LIPC: variants seen among roughly 807,000 people sequenced by gnomAD.
The protein encoded by LIPC is hepatic triacylglycerol lipase.
Under a neutral mutation model 50.7 loss-of-function variants are expected in LIPC, and 44 were observed. The ratio of observed to expected loss-of-function variants is 0.87; its 90% CI spans 0.68 to 1.11. LIPC has a LOEUF of 1.11. Among genes scored for constraint, LIPC ranks in the 50% most tolerant of loss-of-function variants. The probability of loss-of-function intolerance (pLI) is 0.00; values close to 1 mark genes in which losing one functional copy is unlikely to be tolerated. For synonymous variants in LIPC, 271 were observed against 256.4 expected (o/e 1.06, Z -0.54); for missense variants, 697 against 648.2 (o/e 1.08, Z -0.82).
chr15:58,503,357 G>C (rs1892048744), intron 1 of LIPC, among the ~76,000 whole-genome samples: 1 of 152,144 alleles, frequency 6.6e-6, no homozygotes, highest in Non-Finnish European at 1.5e-5. Context: ...GAGTGGAGGG[G>C]GCAGAGTCCA....
At position 58,546,033 on chromosome 15, in the gene LIPC, A is replaced by C. The variant is rs569704268; in HGVS notation, c.808+58A>C. On this transcript the variant is annotated intron_variant, in intron 5 of 8. Transcript: ENST00000299022. ...CCTACATTTCAATGGGGCCTCTGGA[A>C]TTCAGCGGAATCTACCAACATACGG... The C allele has an allele frequency of 5.8e-5, 80 of 1,374,730 alleles. No individual in the cohort carries two copies. The African/African-American group carries it at 8.7e-4, about 15-fold the overall frequency. The allele number at this position is 1,374,730 out of a possible 1,614,324, so 85.2% of individuals were successfully genotyped here.
At chr15:58,470,746 C>A (rs1894763859) in intron 1 of LIPC, among the ~76,000 whole-genome samples, 1 of 152,062 alleles carries the variant, frequency 6.6e-6, no homozygotes, top group Non-Finnish European at 1.5e-5. Flanking sequence ...ACTACAGGTG[C>A]CAGCCACCAC....
At chr15:58,513,818 C>G (rs954317965) in intron 1 of LIPC, among the ~76,000 whole-genome samples, 19 of 152,182 alleles carry the variant, frequency 1.2e-4, no homozygotes, top group Admixed American at 6.5e-5. Flanking sequence ...CTGAGAACCC[C>G]AGGACTCCTC....
At chr15:58,527,995 C>G (rs1892843133) in intron 1 of LIPC, among the ~76,000 whole-genome samples, 1 of 152,092 alleles carries the variant, frequency 6.6e-6, no homozygotes, top group African/African-American at 2.4e-5. Flanking sequence ...AGCCCACACT[C>G]CCCACCCACG....
At chr15:58,517,830 G>A (rs547117620) in intron 1 of LIPC, among the ~76,000 whole-genome samples, 150 of 152,332 alleles carry the variant, frequency 9.8e-4, no homozygotes, top group African/African-American at 2.5e-3. Context: ...GACAACAAGC[G>A]TGTAAGTAAG....
At chr15:58,535,038 G>A (rs1893069207) in intron 1 of LIPC, among the ~76,000 whole-genome samples, 1 of 152,036 alleles carries the variant, frequency 6.6e-6, no homozygotes, top group Non-Finnish European at 1.5e-5. Flanking sequence ...ATTTTTATAG[G>A]CACCAGAGCC....
chr15:58,455,447 G>A (rs925607468), intron 1 of LIPC, among the ~76,000 whole-genome samples: 18 of 152,194 alleles, frequency 1.2e-4, no homozygotes, highest in African/African-American at 3.6e-4. Context: ...GAAAAAAAAT[G>A]TTAGTAATGA....
chr15:58,569,570 T>A lies in LIPC; in HGVS notation c.*743T>A, dbSNP rs1427737012. On this transcript the variant is annotated 3_prime_UTR_variant, in exon 9 of 9. Transcript: ENST00000299022. ...TGTTTGAGTCACCCCAAAATTCATA[T>A]GCTGAAATCTAATCCCCAATGTGAT... 6.6e-6 allele frequency: 1 copy of A among 152,236 alleles called. No homozygotes were observed. The highest frequency in any genetic ancestry group is 1.5e-5 in the Non-Finnish European group (1 of 68,040). The allele number at this position is 152,236 out of a possible 1,614,324, so 9.4% of individuals were successfully genotyped here. A position where few individuals can be genotyped will look rare whatever the true frequency, so the allele number is the denominator to read the frequency against.
chr15:58,545,916 T>G lies in LIPC; in HGVS notation c.749T>G (p.Phe250Cys), dbSNP rs745521832. 13 of 1,614,062 alleles carry G rather than the reference T, an allele frequency of 8.1e-6. No homozygotes were observed. In the Admixed American group the frequency reaches 2.2e-4, roughly 27 times the overall value. ...HYDFYPNGGSFQPGCHFLELY... is the reference protein window; with the variant it reads ...HYDFYPNGGSCQPGCHFLELY... Reference sequence around the variant, plus strand: ...GACTTCTATCCCAACGGGGGCTCCTTCCAGCCTGGCTGCCACTTCCTAGAG... The same window carrying G: ...GACTTCTATCCCAACGGGGGCTCCTGCCAGCCTGGCTGCCACTTCCTAGAG... The change falls in exon 5 of 9, where the codon TTC (phenylalanine) becomes TGC (cysteine). Residue 250 changes from phenylalanine to cysteine, a missense_variant. Coordinates refer to ENST00000299022, the MANE Select transcript of LIPC (RefSeq NM_000236.3).
chr15:58,513,817 C>T (rs1164117710), intron 1 of LIPC, among the ~76,000 whole-genome samples: 1 of 152,168 alleles, frequency 6.6e-6, no homozygotes, highest in African/African-American at 2.4e-5. Context: ...GCTGAGAACC[C>T]CAGGACTCCT....
intron 6 of LIPC, among the ~76,000 whole-genome samples, chr15:58,556,004 C>G (rs994176795): frequency 6.6e-6 from 1 of 152,188 alleles, no homozygotes. Flanking sequence ...CATCCTGGGG[C>G]TCAGAGCTGA....
In LIPC at chr15:58,468,690, T is replaced by C. The variant is rs116307921; in HGVS notation, c.88+36570T>C. Among the ~76,000 whole-genome samples the C allele has an allele frequency of 4.8e-3, 737 of 152,140 alleles. 7 individuals are homozygous for C. The highest frequency in any genetic ancestry group is 0.017 in the African/African-American group (703 of 41,494). ...CCCTTGGAAGCTCATTAGAATCATCTAGGGAACTTATAACAGAAAGGCCCA... is the reference window on the plus strand; with the variant it reads ...CCCTTGGAAGCTCATTAGAATCATCCAGGGAACTTATAACAGAAAGGCCCA... On this transcript the variant is annotated intron_variant, in intron 1 of 8. Transcript: ENST00000299022.
At chr15:58,536,970 C>G (rs142093825) in intron 1 of LIPC, among the ~76,000 whole-genome samples, 1 of 152,246 alleles carries the variant, frequency 6.6e-6, no homozygotes, top group African/African-American at 2.4e-5. Flanking sequence ...ATTTGAGAAG[C>G]CTGAATGATT....
At chr15:58,489,514 C>T (rs78436077) in intron 1 of LIPC, among the ~76,000 whole-genome samples, 1,642 of 152,130 alleles carry the variant, frequency 0.011, 20 homozygotes, top group African/African-American at 0.036. Context: ...TTATGGAAAA[C>T]GGTCCTTGTG....
intron 2 of LIPC, among the ~76,000 whole-genome samples, chr15:58,539,564 C>T (rs533007747): frequency 6.6e-6 from 1 of 152,248 alleles, no homozygotes; most frequent in South Asian, 2.1e-4. Context: ...CAATTTGAAC[C>T]CTCCAGAGAT....
At chr15:58,489,518 C>T (rs1366421720) in intron 1 of LIPC, among the ~76,000 whole-genome samples, 1 of 152,082 alleles carries the variant, frequency 6.6e-6, no homozygotes, top group Non-Finnish European at 1.5e-5. Flanking sequence ...GGAAAACGGT[C>T]CTTGTGCACT....
intron 1 of LIPC, among the ~76,000 whole-genome samples, chr15:58,481,532 C>T (rs777253119): frequency 9.9e-5 from 15 of 152,140 alleles, no homozygotes; most frequent in Non-Finnish European, 7.3e-5. Flanking sequence ...TGGCCAGGCA[C>T]GACAGCTCAC....
At chr15:58,517,972 C>T (rs1892534756) in intron 1 of LIPC, among the ~76,000 whole-genome samples, 1 of 152,200 alleles carries the variant, frequency 6.6e-6, no homozygotes, top group African/African-American at 2.4e-5. Context: ...GACTCTTGGT[C>T]AAGAGCTCTA....
chr15:58,435,575 A>G (rs1893266432), intron 1 of LIPC: 1 of 152,334 alleles, frequency 6.6e-6, no homozygotes, highest in South Asian at 2.1e-4. Context: ...ATTTAAATAC[A>G]AATATAACCA....
Sources: allele counts gnomAD v4.1 joint callset (sites outside exome capture counted in the v4.1 genomes callset), GRCh38; gene constraint gnomAD v4.1.1; transcripts MANE v1.5; gene names NCBI Gene and HGNC (gene_info 2026-07-23, HGNC 2026-07-21).